The following CFAP74 variants were observed in gnomAD, a reference collection of about 807,000 sequenced individuals.
CFAP74 encodes the protein cilia and flagella associated protein 74.
In CFAP74, 124 loss-of-function variants were observed where a neutral mutation model predicts 188.9. That is an observed-to-expected ratio of 0.66 (90% CI 0.57 to 0.76). The LOEUF is 0.76. Among genes scored for constraint, CFAP74 ranks in the 30% least tolerant of loss-of-function variants. The pLI is 0.00. For synonymous variants in CFAP74, 956 were observed against 916.7 expected (o/e 1.04, Z -0.77); for missense variants, 2,198 against 2,165.2 (o/e 1.02, Z -0.30).
intron 1 of CFAP74, among the ~76,000 whole-genome samples, chr1:2,000,785 C>T (rs1658168163): frequency 6.6e-6 from 1 of 152,012 alleles, no homozygotes; most frequent in Non-Finnish European, 1.5e-5. Context: ...GTATGTCCTC[C>T]TCTTAGCTAC....
intron 9 of CFAP74, among the ~76,000 whole-genome samples, chr1:1,971,315 GCAGACACT>G (rs1656033031): frequency 7.1e-6 from 1 of 141,608 alleles, no homozygotes; most frequent in Non-Finnish European, 1.5e-5. Context: ...ATGCACACCT[GCAGACACT>G]TGCACACCTG....
Position 1,960,016 on chromosome 1 carries a change from C to T in CFAP74, c.1709G>A (p.Gly570Asp), listed in dbSNP as rs758759307. The T allele has an allele frequency of 3.8e-6, 6 of 1,592,648 alleles. No homozygotes were observed. The highest frequency in any genetic ancestry group is 2.2e-5 in the South Asian group (2 of 89,006). The change falls in exon 15 of 39, where the codon GGC (glycine) becomes GAC (aspartate). Residue 570 changes from glycine to aspartate, a missense_variant. Coordinates refer to ENST00000682832, the MANE Select transcript of CFAP74 (RefSeq NM_001304360.2). ...ACAGGACATTCCGGCTGACAGGGGG[C>T]CAGGGGGGTCAAAGCTGCAGGACGT... ...DFIHVDFDPPGPLSAGMSCEV... is the reference protein window; with the variant it reads ...DFIHVDFDPPDPLSAGMSCEV...
At position 1,923,941 on chromosome 1, in the gene CFAP74, G is replaced by T; in HGVS notation, c.4235-12C>A. The T allele has an allele frequency of 6.2e-7, 1 of 1,600,708 alleles. No individual in the cohort carries two copies. Among genetic ancestry groups the T allele is most frequent in the Non-Finnish European group, 8.5e-7 (1 of 1,173,050 alleles). On this transcript the variant is annotated splice_polypyrimidine_tract_variant and intron_variant, in intron 34 of 38. Coordinates refer to ENST00000682832, the MANE Select transcript of CFAP74 (RefSeq NM_001304360.2). This position sits in a 1 kb window ranked among gnomAD's most constrained non-coding sequence, Gnocchi z 6.3. ...GAGATTCTGCGTCCCTGCGGGTAGG[G>T]TGGGGTGCAGTTTGGCCTTCTCCAC...
rs200873327 is a variant in CFAP74 at position 1,970,807 on chromosome 1, G to T, written c.898C>A (p.Arg300=). The change falls in exon 10 of 39, where the codon CGG becomes AGG. Residue 300 remains arginine (R), a synonymous_variant. Coordinates refer to ENST00000682832, the MANE Select transcript of CFAP74 (RefSeq NM_001304360.2). The part of the protein sequence containing the change: ...GSISANRDTL[R]KFQAWDRAKA... ...GCACGGTCCCATGCTTGGAACTTCC[G>T]CAGTGTGTCCTTGGAAACAGAGAGC... 1 of 1,614,082 alleles carries T rather than the reference G, an allele frequency of 6.2e-7. No individual in the cohort carries two copies.
In CFAP74 at chr1:1,990,957, G is replaced by A. The variant is rs1657532916; in HGVS notation, c.-1C>T. 1 of 1,608,470 alleles carries A rather than the reference G, an allele frequency of 6.2e-7. No individual in the cohort carries two copies. On this transcript the variant is annotated 5_prime_UTR_variant, in exon 2 of 39. Transcript: ENST00000682832. The stretch of plus-strand genomic sequence containing the variant: ...GGAGCAGGCTGCCGTCATCCTCCAT[G>A]CTGGGAGATAGAAATTAGCTGCAAA...
chr1:1,982,542 G>A lies in CFAP74; in HGVS notation c.500+2844C>T, dbSNP rs555365939. On this transcript the variant is annotated intron_variant, in intron 6 of 38. Coordinates refer to ENST00000682832, the MANE Select transcript of CFAP74 (RefSeq NM_001304360.2). ...GTCCTAGAAAATTTAACACTGGGTG[G>A]AGAGCAGACCAGAGGTTGCCTGGTG... Among the ~76,000 whole-genome samples the A allele has an allele frequency of 2.0e-5, 3 of 152,386 alleles. No individual in the cohort carries two copies. In the East Asian group the frequency reaches 5.8e-4, roughly 29 times the overall value.
In CFAP74 at chr1:1,973,023, C is replaced by G. The variant is rs369453819; in HGVS notation, c.699G>C (p.Glu233Asp). ...RIRKSLNTQK[E>D]LGLRHQKLLE... is the part of the protein sequence containing the mutation. ...GCAGCTTCTGGTGCCTGAGCCCGAG[C>G]TCCTTCTGGGTGTTCAGGGACTTCC... The change falls in exon 8 of 39, where the codon GAG (glutamate) becomes GAC (aspartate). Residue 233 changes from glutamate (E) to aspartate (D), a missense_variant. Physicochemically the swap from Glu to Asp is conservative, Grantham distance 45. Coordinates refer to ENST00000682832, the MANE Select transcript of CFAP74 (RefSeq NM_001304360.2). This position sits in a 1 kb window ranked among gnomAD's most constrained non-coding sequence, Gnocchi z 6.2. 3 of 1,613,986 alleles carry G rather than the reference C, an allele frequency of 1.9e-6. No individual in the cohort carries two copies. Among genetic ancestry groups the G allele is most frequent in the South Asian group, 1.1e-5 (1 of 91,056 alleles).
intron 6 of CFAP74, among the ~76,000 whole-genome samples, chr1:1,977,868 C>T (rs1204573440): frequency 6.6e-6 from 1 of 152,208 alleles, no homozygotes; most frequent in Non-Finnish European, 1.5e-5. Flanking sequence ...GAGATGGTGT[C>T]TCGCTCTGTG....
At chr1:1,976,102 C>T (rs942951582) in intron 6 of CFAP74, among the ~76,000 whole-genome samples, 1 of 152,234 alleles carries the variant, frequency 6.6e-6, no homozygotes, top group Non-Finnish European at 1.5e-5. Flanking sequence ...GAAAGGCTCC[C>T]TCAAGCCCTT....
rs1657381660 is a variant in CFAP74 at position 1,988,568 on chromosome 1, GT to G, written c.239del (p.Asn80ThrfsTer2). The G allele has an allele frequency of 6.2e-7, 1 of 1,613,440 alleles. No individual in the cohort carries two copies. Among genetic ancestry groups the G allele is most frequent in the African/African-American group, 1.3e-5 (1 of 75,042 alleles). ...DRTQAFHLRQ[N>X]LSALDKMHEE... The stretch of plus-strand genomic sequence containing the variant: ...CATGCATCTTATCCAGGGCGCTCAG[GT>G]TCTGCCGCAGGTGAAATGCCTGCGT... On this transcript the variant is annotated frameshift_variant, in exon 4 of 39. Transcript: ENST00000682832. LOFTEE classifies it high-confidence loss of function.
chr1:1,992,923 G>A lies in CFAP74; in HGVS notation c.-19-1948C>T, dbSNP rs544843071. ...AATAATTTCACTTAAGAAACAGGCC[G>A]GGCACAGTGGCTCGCGCTTATAATC... On this transcript the variant is annotated intron_variant, in intron 1 of 38. Transcript: ENST00000682832. Among the ~76,000 whole-genome samples, 40 of 151,930 alleles carry A rather than the reference G, an allele frequency of 2.6e-4. No homozygotes were observed. In the East Asian group the frequency reaches 6.5e-3, roughly 25 times the overall value.
intron 14 of CFAP74, 35 bp downstream of exon 14, chr1:1,963,714 C>T (rs1228712023): frequency 3.6e-6 from 5 of 1,384,980 alleles, no homozygotes; most frequent in East Asian, 2.3e-5. Context: ...GCTGTCCCTG[C>T]ACCGCGTCCC....
Position 1,971,918 on chromosome 1 carries a change from G to A in CFAP74, c.888+62C>T, listed in dbSNP as rs13303329. 86 of 1,304,734 alleles carry A rather than the reference G, an allele frequency of 6.6e-5. 1 individual carries two copies. Among genetic ancestry groups the A allele is most frequent in the African/African-American group, 3.0e-4 (21 of 69,154 alleles). 80.8% of individuals were successfully genotyped at this position (1,304,734 alleles called of 1,614,324 possible). A position where few individuals can be genotyped will look rare whatever the true frequency, so the allele number is the denominator to read the frequency against. On this transcript the variant is annotated intron_variant, in intron 9 of 38. Transcript: ENST00000682832. ...CGGGCCTGGCTCCCAAGGAGCAGGG[G>A]CCCAGGGACGGACCCCGGCAGGGCG...
intron 6 of CFAP74, among the ~76,000 whole-genome samples, chr1:1,981,536 A>C (rs61776983): frequency 0.026 from 1,263 of 48,888 alleles, 146 homozygotes; most frequent in Middle Eastern, 0.05. Flanking sequence ...CGCAGGACAC[A>C]CAGCCGCGGA....
intron 25 of CFAP74, among the ~76,000 whole-genome samples, chr1:1,933,049 C>T (rs1293334958): frequency 6.8e-6 from 1 of 147,890 alleles, no homozygotes; most frequent in Admixed American, 6.8e-5. Context: ...CCATGCCCGG[C>T]TAATTTTTTT....
intron 13 of CFAP74, 150 bp downstream of exon 13, chr1:1,964,738 T>A: frequency 2.6e-6 from 2 of 779,556 alleles, no homozygotes. Context: ...TGCAGTGACC[T>A]GAGATTATGC....
At chr1:1,924,649 C>G in intron 33 of CFAP74, 129 bp from the exon 34 acceptor site, 1 of 957,570 alleles carries the variant, frequency 1.0e-6, no homozygotes, top group African/African-American at 1.7e-5. Context: ...GGCCTGATGA[C>G]GCCAGCACAC....
chr1:1,976,879 T>C (rs758130874), intron 6 of CFAP74, among the ~76,000 whole-genome samples: 7 of 150,970 alleles, frequency 4.6e-5, no homozygotes, highest in Non-Finnish European at 1.0e-4. Context: ...ACAGTCTCGC[T>C]CTGTTGCCCA....
At chr1:1,979,685 T>A in intron 6 of CFAP74, among the ~76,000 whole-genome samples, 1 of 125,100 alleles carries the variant, frequency 8.0e-6, no homozygotes, top group Non-Finnish European at 1.7e-5. Context: ...AGGTGTCGCG[T>A]GACGAGGCTG....
Sources: allele counts gnomAD v4.1 joint callset (sites outside exome capture counted in the v4.1 genomes callset), GRCh38; gene constraint gnomAD v4.1.1; non-coding constraint Gnocchi (gnomAD v3.1); transcripts MANE v1.5; gene names NCBI Gene and HGNC (gene_info 2026-07-23, HGNC 2026-07-21).